Variants in CDH18 observed in about 807,000 individuals in gnomAD.
CDH18 encodes the protein cadherin 18.
A neutral mutation model predicts 67.9 loss-of-function variants in CDH18; 31 were observed. The observed-to-expected ratio is 0.46, with a 90% CI of 0.34 to 0.62. The LOEUF is 0.62. Among genes scored for constraint, CDH18 ranks in the 20% least tolerant of loss-of-function variants. The pLI is 0.01. For synonymous variants in CDH18, 362 were observed against 347.2 expected (o/e 1.04, Z -0.48); for missense variants, 890 against 975.5 (o/e 0.91, Z 1.17).
At chr5:20,514,000 T>C (rs1029415558) in intron 1 of CDH18, among the ~76,000 whole-genome samples, 5 of 152,170 alleles carry the variant, frequency 3.3e-5, no homozygotes, top group Non-Finnish European at 5.9e-5. Context: ...GATATTCCCA[T>C]AGTGCTTTAC....
At chr5:19,608,443 T>C (rs1748421530) in intron 6 of CDH18, among the ~76,000 whole-genome samples, 2 of 151,496 alleles carry the variant, frequency 1.3e-5, no homozygotes, top group Admixed American at 1.3e-4. Context: ...ATTTTAATGA[T>C]GAAAATATTA....
chr5:20,535,290 G>A (rs993823391), intron 1 of CDH18, among the ~76,000 whole-genome samples: 4 of 151,908 alleles, frequency 2.6e-5, no homozygotes, highest in Admixed American at 6.6e-5. Context: ...TTATTCCTTG[G>A]CTCATAGCCA....
intron 1 of CDH18, among the ~76,000 whole-genome samples, chr5:20,284,517 C>T (rs1053601905): frequency 1.3e-5 from 2 of 151,832 alleles, no homozygotes; most frequent in Admixed American, 6.6e-5. Flanking sequence ...TTTTTCCCAC[C>T]GTTATTGGAA....
At chr5:19,584,375 G>A (rs191866303) in intron 7 of CDH18, among the ~76,000 whole-genome samples, 18 of 152,258 alleles carry the variant, frequency 1.2e-4, no homozygotes, top group Non-Finnish European at 2.4e-4. Context: ...GAGGAGATTA[G>A]CTGTTCTGCC....
chr5:20,077,741 T>C (rs1744073238), intron 2 of CDH18, among the ~76,000 whole-genome samples: 1 of 152,180 alleles, frequency 6.6e-6, no homozygotes, highest in South Asian at 2.1e-4. Context: ...GTACTATGTA[T>C]TTTTACATTT....
At chr5:19,683,382 C>T (rs1369388648) in intron 5 of CDH18, among the ~76,000 whole-genome samples, 1 of 151,992 alleles carries the variant, frequency 6.6e-6, no homozygotes, top group South Asian at 2.1e-4. Context: ...TCTTCTGCAG[C>T]TTCATAGATA....
chr5:19,732,781 C>G (rs1000367566), intron 4 of CDH18, among the ~76,000 whole-genome samples: 3 of 152,114 alleles, frequency 2.0e-5, no homozygotes, highest in African/African-American at 7.2e-5. Context: ...TCTCTTATAT[C>G]TGTTATCTTC....
At chr5:19,945,288 G>C (rs1795187316) in intron 2 of CDH18, among the ~76,000 whole-genome samples, 1 of 152,100 alleles carries the variant, frequency 6.6e-6, no homozygotes, top group Non-Finnish European at 1.5e-5. Context: ...AGAAGTGCTA[G>C]GAAAATGAAG....
chr5:19,982,820 G>T (rs58204193), intron 1 of CDH18, among the ~76,000 whole-genome samples: 4,430 of 151,280 alleles, frequency 0.029, 239 homozygotes, highest in East Asian at 0.22. Context: ...CAAGGCGTGT[G>T]GATCACGAGG....
At chr5:20,226,865 C>G (rs1323004441) in intron 2 of CDH18, among the ~76,000 whole-genome samples, 1 of 151,900 alleles carries the variant, frequency 6.6e-6, no homozygotes, top group Non-Finnish European at 1.5e-5. Context: ...ATACACACAC[C>G]TATTTGCTCC....
At chr5:19,872,006 T>C (rs999640827) in intron 2 of CDH18, among the ~76,000 whole-genome samples, 2 of 152,220 alleles carry the variant, frequency 1.3e-5, no homozygotes, top group African/African-American at 4.8e-5. Context: ...CATTGGAAAC[T>C]GGTGAACCAA....
chr5:19,965,347 T>C (rs1469698041), intron 2 of CDH18, among the ~76,000 whole-genome samples: 1 of 152,294 alleles, frequency 6.6e-6, no homozygotes, highest in Non-Finnish European at 1.5e-5. Context: ...GGGACCTACA[T>C]AGAGTGGATT....
intron 12 of CDH18, among the ~76,000 whole-genome samples, chr5:19,480,898 A>G (rs1405357261): frequency 1.3e-5 from 2 of 152,082 alleles, no homozygotes; most frequent in Non-Finnish European, 2.9e-5. Context: ...CTACAGGTGC[A>G]TGCCACCATG....
chr5:19,767,392 T>C (rs1051143146), intron 3 of CDH18, among the ~76,000 whole-genome samples: 1 of 151,976 alleles, frequency 6.6e-6, no homozygotes, highest in Admixed American at 6.6e-5. Flanking sequence ...AAGGAAAAAT[T>C]AGTAGAAAAC....
At chr5:19,597,853 T>C (rs1016590476) in intron 6 of CDH18, among the ~76,000 whole-genome samples, 3 of 152,206 alleles carry the variant, frequency 2.0e-5, no homozygotes, top group Admixed American at 6.5e-5. Flanking sequence ...TCAAATAGTA[T>C]GGTTATTTAG....
chr5:20,340,852 G>C (rs1370327640), intron 1 of CDH18, among the ~76,000 whole-genome samples: 1 of 152,148 alleles, frequency 6.6e-6, no homozygotes, highest in Non-Finnish European at 1.5e-5. Flanking sequence ...CCCATAAGTT[G>C]GAGCTGGGTA....
chr5:19,605,533 A>G (rs760699357), intron 6 of CDH18, among the ~76,000 whole-genome samples: 11 of 152,056 alleles, frequency 7.2e-5, no homozygotes, highest in Non-Finnish European at 1.0e-4. Flanking sequence ...ATTATCTTCC[A>G]TAATCTTTCT....
At chr5:20,178,336 C>A (rs1167745551) in intron 2 of CDH18, among the ~76,000 whole-genome samples, 2 of 151,818 alleles carry the variant, frequency 1.3e-5, no homozygotes, top group African/African-American at 4.8e-5. Context: ...TTCTTTTTAT[C>A]TATCTATGTA....
Position 20,535,163 on chromosome 5 carries a change from C to A in CDH18, c.-580+40299G>T, listed in dbSNP as rs1756641425. On this transcript the variant is annotated intron_variant, in intron 1 of 14. Transcript: ENST00000507958. The stretch of plus-strand genomic sequence containing the variant: ...CTACAAAGACATACTAGGGAGAAAC[C>A]AATTCCTTATTCATTCACATTGTTG... Among the ~76,000 whole-genome samples the A allele has an allele frequency of 2.0e-5, 3 of 152,102 alleles. No individual in the cohort carries two copies. The South Asian group carries it at 6.2e-4, about 31-fold the overall frequency.
Sources: allele counts gnomAD v4.1 joint callset (sites outside exome capture counted in the v4.1 genomes callset), GRCh38; gene constraint gnomAD v4.1.1; transcripts MANE v1.5; gene names NCBI Gene and HGNC (gene_info 2026-07-23, HGNC 2026-07-21).